LAMA4: variants seen among roughly 807,000 people sequenced by gnomAD.
LAMA4 encodes laminin subunit alpha 4, also known as laminin subunit alpha-4.
Under a neutral mutation model 207.1 loss-of-function variants are expected in LAMA4, and 127 were observed. The ratio of observed to expected loss-of-function variants is 0.61; its 90% confidence interval spans 0.53 to 0.71. The LOEUF (loss-of-function observed/expected upper bound fraction) is 0.71, where lower values mean the gene tolerates loss of function less well. LAMA4 is among the 30% of genes least tolerant of loss of function. LAMA4 has a pLI of 0.00. For synonymous variants in LAMA4, 761 were observed against 816.0 expected, an observed-to-expected ratio of 0.93 and a Z score of 1.15; for missense variants, 2,093 against 2,246.5, an observed-to-expected ratio of 0.93 and a Z score of 1.38.
At chr6:112,111,151 C>T (rs1777669727) in intron 38 of LAMA4, among the ~76,000 whole-genome samples, 1 of 152,164 alleles carries the variant, frequency 6.6e-6, no homozygotes, top group Non-Finnish European at 1.5e-5. Flanking sequence ...AGCGATTCCG[C>T]TGCCTCAGCC....
chr6:112,185,904 C>T (rs1782655569), intron 8 of LAMA4, among the ~76,000 whole-genome samples: 1 of 152,154 alleles, frequency 6.6e-6, no homozygotes, highest in Non-Finnish European at 1.5e-5. Flanking sequence ...ATAATGATTC[C>T]TGTCTTGAAG....
chr6:112,143,388 A>T (rs1779825062), intron 19 of LAMA4, among the ~76,000 whole-genome samples: 7 of 151,442 alleles, frequency 4.6e-5, no homozygotes, highest in Admixed American at 3.9e-4. Context: ...AGGTTCAAAC[A>T]ATGCTCGTGC....
intron 5 of LAMA4, among the ~76,000 whole-genome samples, chr6:112,199,321 A>G (rs1783600010): frequency 6.6e-6 from 1 of 152,158 alleles, no homozygotes; most frequent in South Asian, 2.1e-4. Flanking sequence ...GGCTCTATCT[A>G]AGGCCATTAA....
intron 26 of LAMA4, 125 bp from the exon 27 acceptor site, chr6:112,133,612 T>C (rs1187393643): frequency 4.1e-6 from 5 of 1,209,822 alleles, no homozygotes; most frequent in African/African-American, 1.5e-5. Context: ...CATATTCTCA[T>C]GCTTTCTTTG....
intron 2 of LAMA4, among the ~76,000 whole-genome samples, chr6:112,241,148 TGA>T (rs1410887085): frequency 1.0e-5 from 1 of 99,630 alleles, no homozygotes. Flanking sequence ...AATATATATA[TGA>T]ATATATATAT....
At chr6:112,177,715 G>C (rs994142191) in intron 10 of LAMA4, among the ~76,000 whole-genome samples, 5 of 152,180 alleles carry the variant, frequency 3.3e-5, no homozygotes, top group Non-Finnish European at 7.3e-5. Flanking sequence ...CATAGAAAGA[G>C]CTTGTGATGA....
intron 19 of LAMA4, among the ~76,000 whole-genome samples, chr6:112,143,974 C>T (rs1343354322): frequency 7.2e-5 from 11 of 152,146 alleles, no homozygotes; most frequent in East Asian, 3.8e-4. Context: ...TTCTACATTA[C>T]GAAATAGTTG....
intron 20 of LAMA4, 41 bp from the exon 21 acceptor site, chr6:112,141,544 A>G: frequency 7.0e-7 from 1 of 1,430,864 alleles, no homozygotes; most frequent in Non-Finnish European, 9.9e-7. Flanking sequence ...AATAAAATTC[A>G]TAAGAATGAA....
chr6:112,235,642 C>G (rs1554365772), intron 2 of LAMA4, among the ~76,000 whole-genome samples: 2 of 152,160 alleles, frequency 1.3e-5, no homozygotes, highest in Non-Finnish European at 2.9e-5. Context: ...AATTCTTAAA[C>G]TTTTAAAACA....
chr6:112,158,610 A>C, intron 14 of LAMA4, 122 bp downstream of exon 14: 1 of 1,007,596 alleles, frequency 9.9e-7, no homozygotes. Context: ...TCAACACATA[A>C]GCATACCCAA....
intron 27 of LAMA4, 119 bp from the exon 28 acceptor site, chr6:112,133,009 C>A: frequency 9.3e-7 from 1 of 1,071,478 alleles, no homozygotes; most frequent in East Asian, 2.4e-5. Flanking sequence ...TTTATTTTCC[C>A]ACTTCTGGTC....
At chr6:112,134,243 C>T (rs540080604) in intron 26 of LAMA4, among the ~76,000 whole-genome samples, 1 of 152,270 alleles carries the variant, frequency 6.6e-6, no homozygotes, top group Admixed American at 6.5e-5. Flanking sequence ...AAGAGTAATA[C>T]AATAATTGAA....
chr6:112,192,231 G>A (rs1303403390), intron 5 of LAMA4, among the ~76,000 whole-genome samples: 4 of 152,204 alleles, frequency 2.6e-5, no homozygotes, highest in Non-Finnish European at 4.4e-5. Context: ...TAGCCACAAC[G>A]TTAATAGCAC....
chr6:112,142,505 G>T (rs894671237), intron 19 of LAMA4, among the ~76,000 whole-genome samples: 3 of 152,108 alleles, frequency 2.0e-5, no homozygotes, highest in Non-Finnish European at 4.4e-5. Flanking sequence ...AAAAAAAGTG[G>T]TGACTAAGTA....
chr6:112,192,040 T>C (rs1783151786), intron 5 of LAMA4, among the ~76,000 whole-genome samples, 190 bp from the exon 6 acceptor site: 1 of 152,244 alleles, frequency 6.6e-6, no homozygotes, highest in Admixed American at 6.5e-5. Flanking sequence ...CATTATGTTA[T>C]AGATCATTTG....
intron 12 of LAMA4, among the ~76,000 whole-genome samples, chr6:112,167,819 G>T (rs1472948809): frequency 1.3e-5 from 2 of 148,914 alleles, no homozygotes; most frequent in Non-Finnish European, 3.0e-5. Flanking sequence ...GGTCTAGTGG[G>T]GTTAGACTAG....
At chr6:112,234,952 C>T (rs1785805821) in intron 2 of LAMA4, among the ~76,000 whole-genome samples, 1 of 152,138 alleles carries the variant, frequency 6.6e-6, no homozygotes, top group African/African-American at 2.4e-5. Flanking sequence ...GGATAATACT[C>T]ATAAAGATGA....
At chr6:112,234,646 T>C (rs1785776278) in intron 2 of LAMA4, 1 of 151,508 alleles carries the variant, frequency 6.6e-6, no homozygotes, top group Non-Finnish European at 1.5e-5. Flanking sequence ...GATGAAGATC[T>C]AATGTCATAA....
chr6:112,227,531 G>A (rs890846802), intron 2 of LAMA4, among the ~76,000 whole-genome samples: 3 of 152,166 alleles, frequency 2.0e-5, no homozygotes, highest in African/African-American at 7.2e-5. Flanking sequence ...TATACCCGGT[G>A]AGATCTCTAA....
Sources: allele counts gnomAD v4.1 joint callset (sites outside exome capture counted in the v4.1 genomes callset), GRCh38; gene constraint gnomAD v4.1.1; transcripts MANE v1.5; gene names NCBI Gene and HGNC (gene_info 2026-07-23, HGNC 2026-07-21).